Variants in NOS1AP observed in about 807,000 individuals in gnomAD.
The protein encoded by NOS1AP is carboxyl-terminal PDZ ligand of neuronal nitric oxide synthase protein.
Under a neutral mutation model 56.2 loss-of-function variants are expected in NOS1AP, and 21 were observed. That is an observed-to-expected ratio of 0.37 (90% confidence interval 0.26 to 0.54). The LOEUF (loss-of-function observed/expected upper bound fraction) is 0.54, where lower values mean the gene tolerates loss of function less well. Ranked by LOEUF, NOS1AP falls within the 20% of genes least tolerant of loss-of-function variation. The pLI is 0.84. For missense variants in NOS1AP, 522 were observed against 657.8 expected (o/e 0.79, Z 2.26); for synonymous variants, 270 against 274.6 (o/e 0.98, Z 0.17).
At chr1:162,329,918 C>G (rs927799462) in intron 4 of NOS1AP, among the ~76,000 whole-genome samples, 3 of 152,192 alleles carry the variant, frequency 2.0e-5, no homozygotes, top group Non-Finnish European at 4.4e-5. Flanking sequence ...TATAGCAGAG[C>G]AGTCTCCAGA....
At chr1:162,137,560 GCT>G (rs1397029890) in intron 1 of NOS1AP, among the ~76,000 whole-genome samples, 3 of 152,098 alleles carry the variant, frequency 2.0e-5, no homozygotes, top group African/African-American at 7.2e-5. Context: ...AAACCTCAGA[GCT>G]CTGTTTTTCT....
intron 2 of NOS1AP, among the ~76,000 whole-genome samples, chr1:162,280,974 C>A (rs1654904934): frequency 6.6e-6 from 1 of 152,144 alleles, no homozygotes; most frequent in South Asian, 2.1e-4. Flanking sequence ...ACCCTGCCCC[C>A]AAGATTCTGG....
At chr1:162,083,437 C>G (rs1388732653) in intron 1 of NOS1AP, among the ~76,000 whole-genome samples, 1 of 152,118 alleles carries the variant, frequency 6.6e-6, no homozygotes, top group Non-Finnish European at 1.5e-5. Flanking sequence ...GACAGGGTCT[C>G]ACTATATTGC....
intron 2 of NOS1AP, among the ~76,000 whole-genome samples, chr1:162,163,875 T>G (rs1386338325): frequency 2.6e-5 from 4 of 152,198 alleles, no homozygotes; most frequent in Non-Finnish European, 5.9e-5. Flanking sequence ...TTCCTGAATC[T>G]GCACCAGACT....
chr1:162,137,082 G>A (rs756894018), intron 1 of NOS1AP, among the ~76,000 whole-genome samples: 1 of 152,158 alleles, frequency 6.6e-6, no homozygotes, highest in Non-Finnish European at 1.5e-5. Context: ...TTTTAGTGGA[G>A]GTAGGAGCTG....
At chr1:162,101,317 C>T (rs1647253955) in intron 1 of NOS1AP, among the ~76,000 whole-genome samples, 1 of 152,092 alleles carries the variant, frequency 6.6e-6, no homozygotes, top group South Asian at 2.1e-4. Context: ...TGTACCAGTA[C>T]CATGCTGTTT....
At chr1:162,176,788 G>A (rs1370684563) in intron 2 of NOS1AP, among the ~76,000 whole-genome samples, 1 of 152,016 alleles carries the variant, frequency 6.6e-6, no homozygotes, top group Non-Finnish European at 1.5e-5. Context: ...GATCCACTGC[G>A]CCCAGCCAAT....
chr1:162,168,590 C>T (rs998317433), intron 2 of NOS1AP, among the ~76,000 whole-genome samples: 6 of 152,186 alleles, frequency 3.9e-5, no homozygotes, highest in Non-Finnish European at 5.9e-5. Context: ...TAGAAATCCA[C>T]GCGCAATTGA....
intron 2 of NOS1AP, among the ~76,000 whole-genome samples, chr1:162,215,223 G>A (rs1288996857): frequency 6.6e-6 from 1 of 152,198 alleles, no homozygotes; most frequent in African/African-American, 2.4e-5. Flanking sequence ...CTCGGGGCCC[G>A]TAAGTCCCAG....
At chr1:162,081,774 A>ATTTTTTTTTTT (rs59767273) in intron 1 of NOS1AP, among the ~76,000 whole-genome samples, 25 of 44,044 alleles carry the variant, frequency 5.7e-4, no homozygotes, top group African/African-American at 1.5e-3. Flanking sequence ...ATATATATAT[A>ATTTTTTTTTTT]TTTTTTTTTT....
At chr1:162,206,227 A>G (rs1157626048) in intron 2 of NOS1AP, among the ~76,000 whole-genome samples, 1 of 151,934 alleles carries the variant, frequency 6.6e-6, no homozygotes, top group Non-Finnish European at 1.5e-5. Context: ...AGGAAAATGG[A>G]CTGGGGCATT....
At chr1:162,322,601 C>T (rs1656458510) in intron 4 of NOS1AP, among the ~76,000 whole-genome samples, 1 of 152,224 alleles carries the variant, frequency 6.6e-6, no homozygotes, top group African/African-American at 2.4e-5. Flanking sequence ...TGTATCATAT[C>T]CCTGGATTGG....
intron 1 of NOS1AP, among the ~76,000 whole-genome samples, chr1:162,097,432 G>T (rs11579850): frequency 0.49 from 74,079 of 151,952 alleles, 20,970 homozygotes; most frequent in Non-Finnish European, 0.64. Flanking sequence ...TTTTATTTGT[G>T]TTTTCTTTGT....
chr1:162,106,147 G>C (rs1236860112), intron 1 of NOS1AP, among the ~76,000 whole-genome samples: 1 of 152,164 alleles, frequency 6.6e-6, no homozygotes, highest in Non-Finnish European at 1.5e-5. Flanking sequence ...TGATACGTGA[G>C]TTGCAAAGAT....
At chr1:162,226,471 A>G (rs769692139) in intron 2 of NOS1AP, among the ~76,000 whole-genome samples, 21 of 152,092 alleles carry the variant, frequency 1.4e-4, no homozygotes, top group South Asian at 6.2e-4. Flanking sequence ...ATTAACATCT[A>G]AATACTTAGT....
chr1:162,099,807 G>A (rs1408234809), intron 1 of NOS1AP, among the ~76,000 whole-genome samples: 3 of 150,974 alleles, frequency 2.0e-5, no homozygotes, highest in Non-Finnish European at 2.9e-5. Context: ...AACAGTCTCC[G>A]ATGTGTGATG....
intron 1 of NOS1AP, among the ~76,000 whole-genome samples, chr1:162,103,276 G>A (rs1647375039): frequency 6.6e-6 from 1 of 151,916 alleles, no homozygotes; most frequent in Non-Finnish European, 1.5e-5. Context: ...GTTCTAATTT[G>A]ATTGCGCTAT....
intron 4 of NOS1AP, 71 bp downstream of exon 4, chr1:162,300,777 C>A: frequency 7.4e-7 from 1 of 1,353,834 alleles, no homozygotes; most frequent in South Asian, 1.2e-5. Context: ...AGCCACCTGT[C>A]AGGCTGGTGG....
At chr1:162,109,952 AACTGCAG>A (rs1338178073) in intron 1 of NOS1AP, among the ~76,000 whole-genome samples, 1 of 152,162 alleles carries the variant, frequency 6.6e-6, no homozygotes, top group Non-Finnish European at 1.5e-5. Context: ...CCTTCCAGCC[AACTGCAG>A]ACTGCAGTGT....
Sources: allele counts gnomAD v4.1 joint callset (sites outside exome capture counted in the v4.1 genomes callset), GRCh38; gene constraint gnomAD v4.1.1; transcripts MANE v1.5; gene names NCBI Gene and HGNC (gene_info 2026-07-23, HGNC 2026-07-21).